HS3ST4: variants seen among roughly 807,000 people sequenced by gnomAD.
The protein encoded by HS3ST4 is heparan sulfate glucosamine 3-O-sulfotransferase 4.
In HS3ST4, 17 loss-of-function variants were observed where a neutral mutation model predicts 29.2. That is an observed-to-expected ratio of 0.58 (90% CI 0.40 to 0.87). HS3ST4 has a LOEUF of 0.87. HS3ST4 is among the 40% of genes least tolerant of loss of function. HS3ST4 has a pLI of 0.00. For missense variants in HS3ST4, 627 were observed against 634.5 expected (o/e 0.99, Z 0.13); for synonymous variants, 314 against 285.7 (o/e 1.10, Z -1.00).
At chr16:26,010,279 G>A (rs1228023103) in intron 1 of HS3ST4, among the ~76,000 whole-genome samples, 1 of 151,966 alleles carries the variant, frequency 6.6e-6, no homozygotes, top group East Asian at 1.9e-4. Flanking sequence ...CATGGCAAAA[G>A]CCCGTCTCTA....
chr16:25,900,257 T>A (rs1968109010), intron 1 of HS3ST4, among the ~76,000 whole-genome samples: 1 of 152,216 alleles, frequency 6.6e-6, no homozygotes, highest in African/African-American at 2.4e-5. Flanking sequence ...TTTCCCGAGC[T>A]TGGATCCTTA....
chr16:25,832,611 G>T (rs991504579), intron 1 of HS3ST4, among the ~76,000 whole-genome samples: 1 of 152,138 alleles, frequency 6.6e-6, no homozygotes, highest in African/African-American at 2.4e-5. Flanking sequence ...TGAGGAAGAG[G>T]TTTAAAATGT....
chr16:25,985,834 C>T (rs961401480), intron 1 of HS3ST4, among the ~76,000 whole-genome samples: 2 of 152,010 alleles, frequency 1.3e-5, no homozygotes, highest in Non-Finnish European at 2.9e-5. Context: ...TACAGGTGCA[C>T]GTCAGCATGC....
intron 1 of HS3ST4, among the ~76,000 whole-genome samples, chr16:25,854,787 G>C (rs1319107162): frequency 1.2e-5 from 1 of 81,350 alleles, no homozygotes; most frequent in Non-Finnish European, 2.4e-5. Context: ...GGTGTTTGTT[G>C]ACAAAAAAAA....
chr16:25,971,210 A>C (rs912341083), intron 1 of HS3ST4, among the ~76,000 whole-genome samples: 1 of 152,148 alleles, frequency 6.6e-6, no homozygotes, highest in Non-Finnish European at 1.5e-5. Context: ...ATGAAAATAA[A>C]TAATACCAAC....
chr16:25,879,726 A>T (rs1393825742), intron 1 of HS3ST4, among the ~76,000 whole-genome samples: 1 of 152,134 alleles, frequency 6.6e-6, no homozygotes, highest in Admixed American at 6.5e-5. Context: ...TCTAAGGGTG[A>T]TGTATTAGTC....
At chr16:25,697,199 C>T (rs1966304088) in intron 1 of HS3ST4, among the ~76,000 whole-genome samples, 1 of 152,202 alleles carries the variant, frequency 6.6e-6, no homozygotes, top group African/African-American at 2.4e-5. Context: ...GATGAAGCAC[C>T]TGTTCTCCTG....
intron 1 of HS3ST4, among the ~76,000 whole-genome samples, chr16:26,125,090 A>G (rs1215534363): frequency 6.6e-6 from 1 of 152,214 alleles, no homozygotes; most frequent in Non-Finnish European, 1.5e-5. Flanking sequence ...AATAGTTCTC[A>G]AAGTTGAATC....
intron 1 of HS3ST4, among the ~76,000 whole-genome samples, chr16:25,889,511 A>AAC (rs1303855226): frequency 2.6e-5 from 4 of 152,208 alleles, no homozygotes; most frequent in Non-Finnish European, 5.9e-5. Context: ...CATGTGAATG[A>AAC]ACACTTAGAA....
chr16:26,063,586 A>G (rs779672678), intron 1 of HS3ST4, among the ~76,000 whole-genome samples: 1 of 152,020 alleles, frequency 6.6e-6, no homozygotes, highest in Non-Finnish European at 1.5e-5. Flanking sequence ...AGTCCTAGCT[A>G]CTTGGGAGGT....
chr16:25,914,814 A>T (rs1014488303), intron 1 of HS3ST4, among the ~76,000 whole-genome samples: 3 of 151,980 alleles, frequency 2.0e-5, no homozygotes, highest in Non-Finnish European at 2.9e-5. Context: ...TCTGTGAGAA[A>T]CAGGGAGCCC....
intron 1 of HS3ST4, among the ~76,000 whole-genome samples, chr16:25,823,062 A>G (rs1188826013): frequency 6.6e-6 from 1 of 152,124 alleles, no homozygotes; most frequent in Non-Finnish European, 1.5e-5. Flanking sequence ...TAATAACAGC[A>G]TCGTGTTTTC....
intron 1 of HS3ST4, among the ~76,000 whole-genome samples, chr16:25,937,967 A>G (rs1968533273): frequency 6.6e-6 from 1 of 152,098 alleles, no homozygotes; most frequent in African/African-American, 2.4e-5. Context: ...AGGCAGTAGG[A>G]GGGAAATGCG....
intron 1 of HS3ST4, among the ~76,000 whole-genome samples, chr16:25,709,694 G>A (rs182854602): frequency 2.0e-4 from 30 of 151,824 alleles, no homozygotes; most frequent in African/African-American, 6.0e-4. Flanking sequence ...GGGGAAGAAT[G>A]GAAGGAAGAG....
intron 1 of HS3ST4, among the ~76,000 whole-genome samples, chr16:25,944,253 G>A (rs1210491266): frequency 6.6e-6 from 1 of 152,222 alleles, no homozygotes; most frequent in South Asian, 2.1e-4. Context: ...TGACGGAAAA[G>A]CCCTCAACAG....
rs568540297 is a variant in HS3ST4, at chr16:25,779,801, TAAC to T, written c.734+86658_734+86660del. On this transcript the variant is annotated intron_variant, in intron 1 of 1. Coordinates refer to ENST00000331351, the MANE Select transcript of HS3ST4 (RefSeq NM_006040.3). ...AGAAACAGGAAGGTAAAAACAATAATAACAACAACACCCACTGCTGTTTACAAG... is the reference window on the plus strand; with the variant it reads ...AGAAACAGGAAGGTAAAAACAATAATAACAACACCCACTGCTGTTTACAAG... Among the ~76,000 whole-genome samples, 386 of 152,258 alleles carry T rather than the reference TAAC, an allele frequency of 2.5e-3. 1 individual carries two copies. Among genetic ancestry groups the T allele is most frequent in the African/African-American group, 8.9e-3 (371 of 41,552 alleles).
At chr16:25,897,894 G>C (rs527362414) in intron 1 of HS3ST4, among the ~76,000 whole-genome samples, 1 of 152,176 alleles carries the variant, frequency 6.6e-6, no homozygotes, top group African/African-American at 2.4e-5. Flanking sequence ...GAGGACTCTC[G>C]CTATGTGTGA....
Position 26,064,384 on chromosome 16 carries a change from G to A in HS3ST4, c.735-71228G>A, listed in dbSNP as rs117432149. Among the ~76,000 whole-genome samples, 32 of 152,274 alleles carry A rather than the reference G, an allele frequency of 2.1e-4. No individual in the cohort carries two copies. In the East Asian group the frequency reaches 5.4e-3, roughly 26 times the overall value. On this transcript the variant is annotated intron_variant, in intron 1 of 1. Coordinates refer to ENST00000331351, the MANE Select transcript of HS3ST4 (RefSeq NM_006040.3). ...GTAGAAGGGAGGCTTGCTAGGTGTCGGGTAGACCATGAGCAAAGGCTCAGA... is the reference window on the plus strand; with the variant it reads ...GTAGAAGGGAGGCTTGCTAGGTGTCAGGTAGACCATGAGCAAAGGCTCAGA...
At chr16:25,745,811 C>T (rs10163281) in intron 1 of HS3ST4, among the ~76,000 whole-genome samples, 45,638 of 152,116 alleles carry the variant, frequency 0.3, 9,185 homozygotes, top group Non-Finnish European at 0.45. Context: ...CACCAATCTA[C>T]ATGTTTTGGA....
Sources: gnomAD v4.1 joint callset for allele counts (sites outside exome capture counted in the v4.1 genomes callset) on GRCh38, gnomAD v4.1.1 for gene constraint, MANE v1.5 for transcripts, NCBI Gene and HGNC (gene_info 2026-07-23, HGNC 2026-07-21) for gene names.